Variants in ALDH1A2 observed in about 807,000 individuals in gnomAD.
The protein encoded by ALDH1A2 is retinal dehydrogenase 2.
Under a neutral mutation model 60.3 loss-of-function variants are expected in ALDH1A2, and 27 were observed. That is an observed-to-expected ratio of 0.45 (90% CI 0.33 to 0.62). ALDH1A2 has a LOEUF of 0.62. ALDH1A2 is among the 20% of genes least tolerant of loss of function. The pLI is 0.02. For synonymous variants in ALDH1A2, 289 were observed against 232.4 expected (o/e 1.24, Z -2.21); for missense variants, 581 against 643.8 (o/e 0.90, Z 1.06).
Position 57,955,023 on chromosome 15 carries a change from T to C in ALDH1A2, c.*174A>G. ...GGCCCCTTACAGAGTGCCAAGAAAC[T>C]GTACCCAGCTGGTTTGCTTTAGTTG... On this transcript the variant is annotated 3_prime_UTR_variant, in exon 13 of 13. Coordinates refer to ENST00000249750, the MANE Select transcript of ALDH1A2 (RefSeq NM_003888.4). 1.4e-6 allele frequency: 1 copy of C among 732,444 alleles called. No individual in the cohort carries two copies. The highest frequency in any genetic ancestry group is 2.4e-6 in the Non-Finnish European group (1 of 410,210). The allele number at this position is 732,444 out of a possible 1,614,324, so 45.4% of individuals were successfully genotyped here.
intron 1 of ALDH1A2, 73 bp downstream of exon 1, chr15:58,065,461 C>T: frequency 7.6e-7 from 1 of 1,321,698 alleles, no homozygotes. Flanking sequence ...CCCTCACCCG[C>T]TGAAGAGATC....
intron 1 of ALDH1A2, chr15:58,014,534 A>G (rs1401183524): frequency 1.9e-6 from 1 of 532,564 alleles, no homozygotes; most frequent in Admixed American, 2.2e-5. Context: ...AAAGATACAA[A>G]TAAGGATAGA....
intron 5 of ALDH1A2, among the ~76,000 whole-genome samples, chr15:57,994,649 T>C (rs906223083): frequency 6.6e-6 from 1 of 152,172 alleles, no homozygotes; most frequent in Non-Finnish European, 1.5e-5. Context: ...TGTAGCATCT[T>C]CTATCTAGAT....
At chr15:58,013,711 C>G in intron 3 of ALDH1A2, 147 bp downstream of exon 3, 1 of 1,063,762 alleles carries the variant, frequency 9.4e-7, no homozygotes, top group Non-Finnish European at 1.3e-6. Flanking sequence ...GAAATCGTGC[C>G]ACTGCGCTCC....
intron 1 of ALDH1A2, among the ~76,000 whole-genome samples, chr15:58,038,797 A>G (rs1032944811): frequency 2.0e-5 from 3 of 151,836 alleles, no homozygotes; most frequent in Non-Finnish European, 2.9e-5. Context: ...TCCACTTTCT[A>G]TAAACAAGGT....
chr15:58,010,610 T>C (rs2140514214), intron 4 of ALDH1A2, 39 bp downstream of exon 4: 1 of 1,609,710 alleles, frequency 6.2e-7, no homozygotes, highest in Non-Finnish European at 8.5e-7. Context: ...TTCTGGTGGT[T>C]TCACGTTTTC....
intron 7 of ALDH1A2, among the ~76,000 whole-genome samples, chr15:57,980,885 T>C (rs1418073729): frequency 2.6e-5 from 4 of 152,210 alleles, no homozygotes; most frequent in African/African-American, 9.6e-5. Context: ...GTACCTCTGA[T>C]AGAATTCAGC....
At chr15:57,986,731 G>C (rs1894717063) in intron 7 of ALDH1A2, among the ~76,000 whole-genome samples, 1 of 152,092 alleles carries the variant, frequency 6.6e-6, no homozygotes, top group Admixed American at 6.5e-5. Flanking sequence ...GGAGTGCGGT[G>C]GTGTGATCTT....
chr15:58,030,484 C>A (rs1470228110), intron 1 of ALDH1A2, among the ~76,000 whole-genome samples: 2 of 152,106 alleles, frequency 1.3e-5, no homozygotes, highest in African/African-American at 4.8e-5. Context: ...TGGCACAAGA[C>A]AAGGATGCCC....
intron 12 of ALDH1A2, among the ~76,000 whole-genome samples, chr15:57,959,218 C>A (rs1893640933): frequency 6.6e-6 from 1 of 152,176 alleles, no homozygotes; most frequent in African/African-American, 2.4e-5. Flanking sequence ...AAGCAGCATT[C>A]CCAGAGCCAG....
At chr15:57,960,730 A>C (rs1893689473) in intron 12 of ALDH1A2, 40 bp downstream of exon 12, 2 of 1,537,222 alleles carry the variant, frequency 1.3e-6, no homozygotes, top group Admixed American at 3.3e-5. Flanking sequence ...TGATATTTGC[A>C]ATCTATTTCT....
chr15:58,053,357 T>C (rs373058186), intron 1 of ALDH1A2, among the ~76,000 whole-genome samples: 16 of 152,254 alleles, frequency 1.1e-4, no homozygotes, highest in Admixed American at 6.5e-4. Context: ...TTATAAAGTG[T>C]TCCAAAAAAG....
intron 4 of ALDH1A2, among the ~76,000 whole-genome samples, chr15:58,000,252 G>C (rs1422626910): frequency 2.0e-5 from 3 of 151,868 alleles, no homozygotes; most frequent in African/African-American, 7.3e-5. Flanking sequence ...TTTTCACGTG[G>C]ATGGTGAAAG....
intron 4 of ALDH1A2, among the ~76,000 whole-genome samples, chr15:58,005,496 A>T (rs1895420072): frequency 6.6e-6 from 1 of 152,002 alleles, no homozygotes; most frequent in Non-Finnish European, 1.5e-5. Flanking sequence ...TAAGAGATCA[A>T]AGTTGATGCC....
At position 58,064,548 on chromosome 15, in the gene ALDH1A2, G is replaced by A. The variant is rs35710482; in HGVS notation, c.117+986C>T. On this transcript the variant is annotated intron_variant, in intron 1 of 12. Coordinates refer to ENST00000249750, the MANE Select transcript of ALDH1A2 (RefSeq NM_003888.4). ...AATCAACCTTTAACCATATGCATGT[G>A]CGTCTATGCGTTTGCGTTAATTGGG... 1.1e-3 allele frequency among the ~76,000 whole-genome samples: 163 copies of A among 152,262 alleles called. 1 individual carries two copies. The highest frequency in any genetic ancestry group is 3.9e-3 in the African/African-American group (163 of 41,542).
intron 1 of ALDH1A2, among the ~76,000 whole-genome samples, chr15:58,039,139 T>C (rs1024125529): frequency 6.6e-6 from 1 of 151,966 alleles, no homozygotes; most frequent in East Asian, 1.9e-4. Flanking sequence ...TAAATGTATA[T>C]ATCCTGTGCA....
At chr15:58,028,677 C>A (rs1896145122) in intron 1 of ALDH1A2, among the ~76,000 whole-genome samples, 1 of 152,054 alleles carries the variant, frequency 6.6e-6, no homozygotes, top group Non-Finnish European at 1.5e-5. Context: ...GAGACACACA[C>A]AGGCTCAAAA....
At chr15:58,037,170 G>T (rs1484636279) in intron 1 of ALDH1A2, among the ~76,000 whole-genome samples, 1 of 151,532 alleles carries the variant, frequency 6.6e-6, no homozygotes, top group East Asian at 1.9e-4. Context: ...AAGCAGCAAG[G>T]CCCCCAAATC....
intron 7 of ALDH1A2, among the ~76,000 whole-genome samples, 190 bp from the exon 8 acceptor site, chr15:57,966,017 G>A (rs1893885667): frequency 6.6e-6 from 1 of 152,214 alleles, no homozygotes; most frequent in Admixed American, 6.5e-5. Flanking sequence ...CCATGCTGGA[G>A]TGAACTGGAA....
Sources: allele counts gnomAD v4.1 joint callset (sites outside exome capture counted in the v4.1 genomes callset), GRCh38; gene constraint gnomAD v4.1.1; transcripts MANE v1.5; gene names NCBI Gene and HGNC (gene_info 2026-07-23, HGNC 2026-07-21).